The following ARID2 variants were observed in gnomAD, a reference collection of about 807,000 sequenced individuals.
ARID2 encodes AT-rich interaction domain 2, also known as AT-rich interactive domain-containing protein 2.
A neutral mutation model predicts 184.6 loss-of-function variants in ARID2; 32 were observed. The ratio of observed to expected loss-of-function variants is 0.17; its 90% CI spans 0.13 to 0.23. ARID2 has a LOEUF of 0.23. ARID2 is among the 10% of genes least tolerant of loss of function. ARID2 has a pLI of 1.00. For missense variants in ARID2, 1,696 were observed against 2,197.6 expected, an observed-to-expected ratio of 0.77 and a Z score of 4.56; for synonymous variants, 836 against 772.6, an observed-to-expected ratio of 1.08 and a Z score of -1.36.
intron 3 of ARID2, among the ~76,000 whole-genome samples, chr12:45,746,336 C>G (rs548579495): frequency 2.0e-5 from 3 of 152,218 alleles, no homozygotes; most frequent in Admixed American, 2.0e-4. Context: ...GTTTCCAACT[C>G]CTGGCCTCAA....
Position 45,905,879 on chromosome 12 carries a change from A to G in ARID2, c.*801A>G. On this transcript the variant is annotated 3_prime_UTR_variant, in exon 21 of 21. Coordinates refer to ENST00000334344, the MANE Select transcript of ARID2 (RefSeq NM_152641.4). ...TTAAATTTGTGTAAATACTTCTGCA[A>G]AGGTACTGATGCTGTAAAGTCAAAA... The G allele has an allele frequency of 4.3e-6, 1 of 232,850 alleles. No homozygotes were observed. Among genetic ancestry groups the G allele is most frequent in the Non-Finnish European group, 8.5e-6 (1 of 117,746 alleles). The allele number at this position is 232,850 out of a possible 1,614,324, so 14.4% of individuals were successfully genotyped here.
intron 2 of ARID2, among the ~76,000 whole-genome samples, chr12:45,730,587 A>T (rs919567130): frequency 6.6e-6 from 1 of 152,016 alleles, no homozygotes; most frequent in Non-Finnish European, 1.5e-5. Context: ...TGCAACTCAA[A>T]ATTAGCGCGG....
intron 3 of ARID2, among the ~76,000 whole-genome samples, chr12:45,750,114 T>C (rs552714881): frequency 1.3e-5 from 2 of 152,230 alleles, no homozygotes; most frequent in South Asian, 4.1e-4. Flanking sequence ...CGTAATCATT[T>C]CTAGCTTTTG....
intron 3 of ARID2, among the ~76,000 whole-genome samples, chr12:45,801,823 TGAG>T (rs1942507887): frequency 6.6e-6 from 1 of 151,996 alleles, no homozygotes; most frequent in African/African-American, 2.4e-5. Flanking sequence ...AGAGAAAGAA[TGAG>T]AATAGGATAA....
chr12:45,869,299 G>A (rs1178644719), intron 16 of ARID2, among the ~76,000 whole-genome samples: 3 of 152,076 alleles, frequency 2.0e-5, no homozygotes, highest in Non-Finnish European at 2.9e-5. Context: ...ACAGGCGTGC[G>A]CCACCGTGCC....
chr12:45,888,163 C>G (rs942856703), intron 16 of ARID2, among the ~76,000 whole-genome samples: 10 of 151,250 alleles, frequency 6.6e-5, no homozygotes, highest in African/African-American at 2.0e-4. Context: ...CCACTGCACT[C>G]CAGCCTGGGT....
chr12:45,773,833 G>A (rs1941925596), intron 3 of ARID2, among the ~76,000 whole-genome samples: 1 of 152,124 alleles, frequency 6.6e-6, no homozygotes, highest in South Asian at 2.1e-4. Context: ...AATTAGTACA[G>A]ATTCTTCACC....
intron 3 of ARID2, among the ~76,000 whole-genome samples, chr12:45,790,975 G>A (rs986814347): frequency 6.6e-6 from 1 of 151,906 alleles, no homozygotes; most frequent in African/African-American, 2.4e-5. Flanking sequence ...TTTGACTATT[G>A]TGAATAATGC....
chr12:45,754,908 C>T (rs1941537593), intron 3 of ARID2, among the ~76,000 whole-genome samples: 1 of 152,102 alleles, frequency 6.6e-6, no homozygotes, highest in Admixed American at 6.6e-5. Context: ...TAGGAAATCA[C>T]TTTTGTTTGA....
rs145998312 is a variant in ARID2 at position 45,814,539 on chromosome 12, A to G, written c.418+2988A>G. Among the ~76,000 whole-genome samples the G allele has an allele frequency of 2.9e-3, 439 of 152,152 alleles. 3 individuals are homozygous for G. Among genetic ancestry groups the G allele is most frequent in the African/African-American group, 9.9e-3 (411 of 41,508 alleles). ...GTGTCGCATGCCTGTAATCCCAGCT[A>G]CTCAGGAGGCTGAGGCAGGAGAATT... On this transcript the variant is annotated intron_variant, in intron 4 of 20. Coordinates refer to ENST00000334344, the MANE Select transcript of ARID2 (RefSeq NM_152641.4).
intron 15 of ARID2, among the ~76,000 whole-genome samples, chr12:45,859,127 A>C (rs1943700611): frequency 6.6e-6 from 1 of 152,228 alleles, no homozygotes; most frequent in Admixed American, 6.5e-5. Context: ...ACCTATTGCC[A>C]GTACAGTCAT....
intron 3 of ARID2, among the ~76,000 whole-genome samples, chr12:45,751,394 C>A (rs773509972): frequency 2.0e-5 from 3 of 152,164 alleles, no homozygotes; most frequent in Non-Finnish European, 4.4e-5. Context: ...CAGAGAGGTA[C>A]AATCTGGGAG....
In ARID2 at chr12:45,836,884, T is replaced by C; in HGVS notation, c.916T>C (p.Leu306=). The change falls in exon 8 of 21, where the codon TTG becomes CTG. Residue 306 remains leucine (L), a synonymous_variant. Transcript: ENST00000334344. ...CTTTGAGGAGGGCAATGTTAAGCTC[T>C]TGGCAGCTAATCGTACCTGTCTTCG... The part of the protein sequence containing the change: ...LSFEEGNVKL[L]AANRTCLRFL... 1 of 1,614,170 alleles carries C rather than the reference T, an allele frequency of 6.2e-7. No homozygotes were observed. The highest frequency in any genetic ancestry group is 1.1e-5 in the South Asian group (1 of 91,086).
intron 4 of ARID2, among the ~76,000 whole-genome samples, chr12:45,813,619 T>G (rs544371574): frequency 7.9e-5 from 12 of 152,260 alleles, no homozygotes; most frequent in African/African-American, 2.9e-4. Flanking sequence ...CCAGAGATAC[T>G]TTTATTGTTG....
At chr12:45,867,028 G>C (rs1264213596) in intron 16 of ARID2, among the ~76,000 whole-genome samples, 2 of 152,116 alleles carry the variant, frequency 1.3e-5, no homozygotes, top group South Asian at 2.1e-4. Context: ...TCGGCTCACT[G>C]CAACCTCCAC....
intron 3 of ARID2, among the ~76,000 whole-genome samples, chr12:45,787,959 A>G (rs1036841548): frequency 4.6e-5 from 7 of 152,148 alleles, no homozygotes; most frequent in African/African-American, 9.7e-5. Context: ...CACATTAAGC[A>G]TTCATTCATT....
chr12:45,884,051 A>G (rs1241393680), intron 16 of ARID2, among the ~76,000 whole-genome samples: 1 of 152,184 alleles, frequency 6.6e-6, no homozygotes, highest in Non-Finnish European at 1.5e-5. Context: ...ACAGATATAC[A>G]CATCATCACT....
intron 15 of ARID2, among the ~76,000 whole-genome samples, chr12:45,860,060 A>C (rs1943716438): frequency 6.6e-6 from 1 of 152,184 alleles, no homozygotes; most frequent in African/African-American, 2.4e-5. Flanking sequence ...AACAAAAGAT[A>C]TAATTAGACT....
Position 45,793,690 on chromosome 12 carries a change from TACAC to T in ARID2, c.285-17716_285-17713del, listed in dbSNP as rs150302042. Among the ~76,000 whole-genome samples the T allele has an allele frequency of 2.7e-3, 405 of 151,004 alleles. 1 individual carries two copies. Among genetic ancestry groups the T allele is most frequent in the African/African-American group, 9.4e-3 (389 of 41,192 alleles). On this transcript the variant is annotated intron_variant, in intron 3 of 20. Coordinates refer to ENST00000334344, the MANE Select transcript of ARID2 (RefSeq NM_152641.4). Reference sequence around the variant, plus strand: ...GCAAGATATTCTACATATTTATATATACACACACACACACATATATATCTCAGCA... The same window carrying T: ...GCAAGATATTCTACATATTTATATATACACACACACATATATATCTCAGCA...
Sources: gnomAD v4.1 joint callset for allele counts (sites outside exome capture counted in the v4.1 genomes callset) on GRCh38, gnomAD v4.1.1 for gene constraint, MANE v1.5 for transcripts, NCBI Gene and HGNC (gene_info 2026-07-23, HGNC 2026-07-21) for gene names.